CAMTA1: variants seen among roughly 807,000 people sequenced by gnomAD.
CAMTA1 encodes calmodulin-binding transcription activator 1.
Under a neutral mutation model 170.9 loss-of-function variants are expected in CAMTA1, and 27 were observed. That is an observed-to-expected ratio of 0.16 (90% CI 0.12 to 0.22). The LOEUF is 0.22. Among genes scored for constraint, CAMTA1 ranks in the 10% least tolerant of loss-of-function variants. The pLI is 1.00. For missense variants in CAMTA1, 1,619 were observed against 2,217.2 expected (o/e 0.73, Z 5.42); for synonymous variants, 833 against 891.5 (o/e 0.93, Z 1.17).
intron 5 of CAMTA1, among the ~76,000 whole-genome samples, chr1:7,390,946 G>A (rs2088635604): frequency 6.6e-6 from 1 of 152,172 alleles, no homozygotes; most frequent in Admixed American, 6.5e-5. Context: ...GCTGAGTGGT[G>A]CATCCAGCTG....
chr1:7,342,288 C>T (rs892009127), intron 5 of CAMTA1, among the ~76,000 whole-genome samples: 3 of 152,108 alleles, frequency 2.0e-5, no homozygotes, highest in Non-Finnish European at 4.4e-5. Context: ...CCCGGGGGTC[C>T]CCTGGGCTTC....
chr1:7,212,689 A>G (rs537244020), intron 4 of CAMTA1, among the ~76,000 whole-genome samples: 3 of 152,300 alleles, frequency 2.0e-5, no homozygotes, highest in East Asian at 1.9e-4. Flanking sequence ...TGTTGGCACA[A>G]TTAAGATACA....
chr1:7,497,341 C>G (rs944489453), intron 6 of CAMTA1, among the ~76,000 whole-genome samples: 8 of 152,182 alleles, frequency 5.3e-5, no homozygotes, highest in African/African-American at 1.9e-4. Context: ...AAGCCCAGGC[C>G]CCATCCCATC....
In CAMTA1 at chr1:7,565,278, C is replaced by T. The variant is rs118006597; in HGVS notation, c.511-75122C>T. Among the ~76,000 whole-genome samples the T allele has an allele frequency of 1.1e-4, 17 of 152,230 alleles. No individual in the cohort carries two copies. The East Asian group carries it at 2.9e-3, about 26-fold the overall frequency. ...TGCCATAAAGGGCTGGAGAAGTGGGCGCTGCCTTTGGGGCCCACGGGCCTA... is the reference window on the plus strand; with the variant it reads ...TGCCATAAAGGGCTGGAGAAGTGGGTGCTGCCTTTGGGGCCCACGGGCCTA... On this transcript the variant is annotated intron_variant, in intron 6 of 22. Coordinates refer to ENST00000303635, the MANE Select transcript of CAMTA1 (RefSeq NM_015215.4). This position sits in a 1 kb window ranked among gnomAD's most constrained non-coding sequence, Gnocchi z 4.5.
intron 3 of CAMTA1, among the ~76,000 whole-genome samples, chr1:6,848,971 G>T (rs1003478785): frequency 6.6e-6 from 1 of 152,192 alleles, no homozygotes; most frequent in Admixed American, 6.5e-5. Context: ...CTGTTTGGTT[G>T]TCTTCTCATC....
chr1:7,302,648 G>C (rs1674944301), intron 5 of CAMTA1, among the ~76,000 whole-genome samples: 1 of 152,186 alleles, frequency 6.6e-6, no homozygotes, highest in African/African-American at 2.4e-5. Context: ...GGAGTTGGGG[G>C]GCTTCATCTG....
At chr1:7,090,022 A>C (rs554678241) in intron 3 of CAMTA1, among the ~76,000 whole-genome samples, 30 of 152,334 alleles carry the variant, frequency 2.0e-4, no homozygotes, top group Non-Finnish European at 4.0e-4. Flanking sequence ...TATTTTTGCT[A>C]TAGGCTTCTG....
intron 5 of CAMTA1, among the ~76,000 whole-genome samples, chr1:7,259,635 G>A (rs1667891752): frequency 6.6e-6 from 1 of 152,224 alleles, no homozygotes; most frequent in Non-Finnish European, 1.5e-5. Flanking sequence ...AAAAGTCCAA[G>A]GGAAAATTTC....
chr1:7,170,478 C>T (rs1050632844), intron 4 of CAMTA1, among the ~76,000 whole-genome samples: 6 of 152,034 alleles, frequency 3.9e-5, no homozygotes, highest in East Asian at 1.9e-4. Context: ...CCTCCAACCC[C>T]GACAGGCCCC....
chr1:6,813,089 G>T (rs1038998862), intron 1 of CAMTA1, among the ~76,000 whole-genome samples: 9 of 152,182 alleles, frequency 5.9e-5, no homozygotes, highest in African/African-American at 2.2e-4. Context: ...AGTTGTGAGG[G>T]TTATTATAGT....
At chr1:7,211,479 T>C (rs1321204316) in intron 4 of CAMTA1, among the ~76,000 whole-genome samples, 1 of 152,246 alleles carries the variant, frequency 6.6e-6, no homozygotes, top group African/African-American at 2.4e-5. Context: ...TTCTAGCACT[T>C]CATCTAAATG....
In CAMTA1 at chr1:7,565,319, G is replaced by A. The variant is rs1406957833; in HGVS notation, c.511-75081G>A. Among the ~76,000 whole-genome samples the A allele has an allele frequency of 6.6e-6, 1 of 152,150 alleles. No homozygotes were observed. Among genetic ancestry groups the A allele is most frequent in the Non-Finnish European group, 1.5e-5 (1 of 68,016 alleles). On this transcript the variant is annotated intron_variant, in intron 6 of 22. Coordinates refer to ENST00000303635, the MANE Select transcript of CAMTA1 (RefSeq NM_015215.4). This position sits in a 1 kb window ranked among gnomAD's most constrained non-coding sequence, Gnocchi z 4.5. ...CACGGGCCTATGGGGATGGGAGTGA[G>A]GCAGGCTGTGGGGCAGTGGGGTGAG...
intron 5 of CAMTA1, among the ~76,000 whole-genome samples, chr1:7,254,802 T>C (rs1462113231): frequency 6.6e-6 from 1 of 152,222 alleles, no homozygotes; most frequent in African/African-American, 2.4e-5. Flanking sequence ...ATAAGATAAA[T>C]TGGTATCTTG....
intron 3 of CAMTA1, among the ~76,000 whole-genome samples, chr1:6,868,981 G>A (rs562825107): frequency 7.8e-4 from 119 of 152,324 alleles, no homozygotes; most frequent in African/African-American, 2.5e-3. Context: ...AAAGAGACAA[G>A]CTGTAATGTA....
In CAMTA1 at chr1:7,443,612, C is replaced by T. The variant is rs896122669; in HGVS notation, c.439-24218C>T. On this transcript the variant is annotated intron_variant, in intron 5 of 22. Transcript: ENST00000303635. This position sits in a 1 kb window ranked among gnomAD's most constrained non-coding sequence, Gnocchi z 4.1. ...GCCATATTGAGTGGCACAGAGGAGG[C>T]TCGCAAGCAGAGATGATTGCAGTGC... Among the ~76,000 whole-genome samples the T allele has an allele frequency of 6.6e-6, 1 of 152,070 alleles. No homozygotes were observed. The highest frequency in any genetic ancestry group is 1.5e-5 in the Non-Finnish European group (1 of 68,022).
At chr1:6,814,274 G>A (rs1645524947) in intron 1 of CAMTA1, among the ~76,000 whole-genome samples, 1 of 152,176 alleles carries the variant, frequency 6.6e-6, no homozygotes, top group Non-Finnish European at 1.5e-5. Flanking sequence ...AGATACTGTG[G>A]CAGAGACTGC....
intron 7 of CAMTA1, among the ~76,000 whole-genome samples, chr1:7,654,294 T>C (rs2095865314): frequency 6.6e-6 from 1 of 152,014 alleles, no homozygotes; most frequent in South Asian, 2.1e-4. Context: ...GCATGAGAAT[T>C]GCTTGAACCC....
chr1:6,939,598 T>A (rs886934899), intron 3 of CAMTA1, among the ~76,000 whole-genome samples: 5 of 151,830 alleles, frequency 3.3e-5, no homozygotes, highest in African/African-American at 1.2e-4. Context: ...CCTGCAGGGG[T>A]CCTGCTTAGC....
intron 4 of CAMTA1, among the ~76,000 whole-genome samples, chr1:7,204,798 G>A (rs1657364865): frequency 6.8e-6 from 1 of 146,532 alleles, no homozygotes; most frequent in African/African-American, 2.5e-5. Context: ...TATTATTTTG[G>A]GTCAGAGTTT....
Sources: allele counts gnomAD v4.1 joint callset (sites outside exome capture counted in the v4.1 genomes callset), GRCh38; gene constraint gnomAD v4.1.1; non-coding constraint Gnocchi (gnomAD v3.1); transcripts MANE v1.5; gene names NCBI Gene and HGNC (gene_info 2026-07-23, HGNC 2026-07-21).